Variants in AFF2 observed in about 807,000 individuals in gnomAD.
AFF2 encodes AF4/FMR2 family member 2.
AFF2 carries 14 observed loss-of-function variants against 76.9 expected under a neutral mutation model. The ratio of observed to expected loss-of-function variants is 0.18; its 90% CI spans 0.12 to 0.28. AFF2 has a LOEUF of 0.28. Ranked by LOEUF, AFF2 falls within the 10% of genes least tolerant of loss-of-function variation. The pLI is 1.00. For synonymous variants in AFF2, 398 were observed against 366.7 expected (o/e 1.09, Z -0.98); for missense variants, 868 against 1,001.1 (o/e 0.87, Z 1.79).
chrX:148,580,855 C>G (rs1390186888), intron 1 of AFF2, among the ~76,000 whole-genome samples: 1 of 107,381 alleles, frequency 9.3e-6, no homozygotes, highest in Non-Finnish European at 1.9e-5. Context: ...ACTATTATTA[C>G]AGCTCTTAAA....
chrX:148,802,312 ATG>A (rs1182621282), intron 3 of AFF2, among the ~76,000 whole-genome samples: 1 of 110,662 alleles, frequency 9.0e-6, no homozygotes, highest in Non-Finnish European at 1.9e-5. Flanking sequence ...TAAGATAATG[ATG>A]TGTGTGTGTG....
intron 1 of AFF2, among the ~76,000 whole-genome samples, chrX:148,537,696 ATG>A (rs1357873640): frequency 1.8e-5 from 2 of 109,801 alleles, no homozygotes; most frequent in Non-Finnish European, 1.9e-5. Context: ...CCCTGGCTGC[ATG>A]TGTTACTTTT....
At chrX:148,837,612 C>A in intron 4 of AFF2, 35 bp from the exon 5 acceptor site, 2 of 891,695 alleles carry the variant, frequency 2.2e-6, no homozygotes, top group Non-Finnish European at 3.3e-6. Context: ...TTTTTAATTG[C>A]CCTGAAATAA....
intron 1 of AFF2, among the ~76,000 whole-genome samples, chrX:148,552,361 G>A (rs1417270883): frequency 8.9e-6 from 1 of 111,802 alleles, no homozygotes; most frequent in Non-Finnish European, 1.9e-5. Context: ...CTGACTTGAT[G>A]TACAGCTTGA....
intron 3 of AFF2, among the ~76,000 whole-genome samples, chrX:148,773,686 G>GAAAGA (rs2069622114): frequency 1.4e-4 from 2 of 14,515 alleles, no homozygotes; most frequent in Non-Finnish European, 2.7e-4. Flanking sequence ...AGGAAGGAAG[G>GAAAGA]AAAGAAAGAA....
intron 1 of AFF2, among the ~76,000 whole-genome samples, chrX:148,619,169 C>T (rs1871535257): frequency 8.9e-6 from 1 of 111,769 alleles, no homozygotes; most frequent in Admixed American, 9.5e-5. Flanking sequence ...TGCATACAAT[C>T]CCTCATGGCT....
chrX:148,845,058 GC>G (rs1197216600), intron 7 of AFF2, among the ~76,000 whole-genome samples: 1 of 108,929 alleles, frequency 9.2e-6, no homozygotes, highest in Non-Finnish European at 1.9e-5. Context: ...AATCCTCCCT[GC>G]TTTCACTCCT....
intron 7 of AFF2, among the ~76,000 whole-genome samples, chrX:148,854,943 T>G (rs1557275768): frequency 1.8e-5 from 2 of 111,819 alleles, no homozygotes; most frequent in African/African-American, 3.3e-5. Flanking sequence ...TTTGTGCTTC[T>G]AATGCCACAC....
rs1296900634 is a variant in AFF2, at chrX:148,581,345, C to T, written c.48-70654C>T. 1.9e-3 allele frequency among the ~76,000 whole-genome samples: 133 copies of T among 68,732 alleles called. 27 individuals carry two copies. The highest frequency in any genetic ancestry group is 6.1e-3 in the African/African-American group (129 of 21,154). The allele number at this position is 68,732 out of a possible 115,157, so 59.7% of individuals were successfully genotyped here. On this transcript the variant is annotated intron_variant, in intron 1 of 20. Transcript: ENST00000370460. ...ACACACATATATACGTATACGTATA[C>T]GTGTACACACATATATACGTATACG...
At chrX:148,863,957 TC>T (rs1557276641) in intron 7 of AFF2, among the ~76,000 whole-genome samples, 1 of 111,487 alleles carries the variant, frequency 9.0e-6, no homozygotes, top group East Asian at 2.8e-4. Context: ...GGGAGGAAGG[TC>T]CTTAATTTGC....
rs782038223 is a variant in AFF2, at chrX:149,000,374, G to T, written c.*9042G>T. 2.7e-5 allele frequency: 3 copies of T among 112,628 alleles called. No homozygotes were observed. The highest frequency in any genetic ancestry group is 9.7e-5 in the African/African-American group (3 of 30,996). The allele number at this position is 112,628 out of a possible 1,213,427, so 9.3% of individuals were successfully genotyped here. On this transcript the variant is annotated 3_prime_UTR_variant, in exon 21 of 21. Transcript: ENST00000370460. The stretch of plus-strand genomic sequence containing the variant: ...TCAATCAATTAATGAAATGTTATCT[G>T]GTTTTTAAAAGCTGGTTTCATGTGC...
intron 1 of AFF2, among the ~76,000 whole-genome samples, chrX:148,582,304 A>AT (rs1210741314): frequency 1.8e-5 from 2 of 111,220 alleles, no homozygotes; most frequent in South Asian, 7.5e-4. Flanking sequence ...TAAAGTTAGT[A>AT]TTTTTTTCTT....
chrX:148,980,958 A>T (rs1430429071), intron 19 of AFF2, among the ~76,000 whole-genome samples, 168 bp downstream of exon 19: 1 of 111,997 alleles, frequency 8.9e-6, no homozygotes, highest in East Asian at 2.8e-4. Flanking sequence ...GAAAAGTTTA[A>T]AAAGATGTGC....
At chrX:148,842,255 AG>A (rs1212684875) in intron 5 of AFF2, among the ~76,000 whole-genome samples, 4 of 112,572 alleles carry the variant, frequency 3.6e-5, no homozygotes, top group Admixed American at 2.8e-4. Flanking sequence ...GTATCCACAC[AG>A]GTGTGCCACA....
rs148378284 is a variant in AFF2, at chrX:148,955,546, C to G, written c.1558-57C>G. The G allele has an allele frequency of 1.7e-3, 1,938 of 1,135,559 alleles. 18 individuals are homozygous for G. The African/African-American group carries it at 0.03, about 18-fold the overall frequency. 93.6% of individuals were successfully genotyped at this position (1,135,559 alleles called of 1,213,427 possible). On this transcript the variant is annotated intron_variant, in intron 10 of 20. Coordinates refer to ENST00000370460, the MANE Select transcript of AFF2 (RefSeq NM_002025.4). The stretch of plus-strand genomic sequence containing the variant: ...AGTAGTAGTCTCTGTACTCAGGGTT[C>G]TCTTGAATCCTTCCCAAGTGTAAAA...
intron 8 of AFF2, among the ~76,000 whole-genome samples, chrX:148,886,346 G>A (rs1305869941): frequency 9.0e-6 from 1 of 111,071 alleles, no homozygotes; most frequent in African/African-American, 3.3e-5. Flanking sequence ...TCTGGTGTGA[G>A]GCTTGGAACC....
intron 7 of AFF2, among the ~76,000 whole-genome samples, chrX:148,847,175 A>G (rs782802830): frequency 7.1e-5 from 8 of 112,356 alleles, no homozygotes; most frequent in Non-Finnish European, 1.3e-4. Context: ...AAATCTTGCC[A>G]CTTACCTGTC....
intron 8 of AFF2, among the ~76,000 whole-genome samples, chrX:148,888,075 G>A (rs2071180603): frequency 8.9e-6 from 1 of 111,820 alleles, no homozygotes. Flanking sequence ...ATTTTAAAGT[G>A]TTCAATTCTG....
At chrX:148,513,317 C>T (rs1307010910) in intron 1 of AFF2, among the ~76,000 whole-genome samples, 1 of 111,786 alleles carries the variant, frequency 8.9e-6, no homozygotes, top group Admixed American at 9.5e-5. Flanking sequence ...GTGAATGCTG[C>T]AGTAGCTGCT....
Sources: gnomAD v4.1 joint callset for allele counts (sites outside exome capture counted in the v4.1 genomes callset) on GRCh38, gnomAD v4.1.1 for gene constraint, MANE v1.5 for transcripts, NCBI Gene and HGNC (gene_info 2026-07-23, HGNC 2026-07-21) for gene names.